PPP2R5E: variants seen among roughly 807,000 people sequenced by gnomAD.
The protein encoded by PPP2R5E is protein phosphatase 2 regulatory subunit B'epsilon, also known as serine/threonine-protein phosphatase 2A 56 kDa regulatory subunit epsilon isoform.
Under a neutral mutation model 65.3 loss-of-function variants are expected in PPP2R5E, and 4 were observed. The observed-to-expected ratio is 0.06, with a 90% CI of 0.03 to 0.14. PPP2R5E has a LOEUF of 0.14. Ranked by LOEUF, PPP2R5E falls within the 10% of genes least tolerant of loss-of-function variation. The pLI is 1.00. For missense variants in PPP2R5E, 274 were observed against 556.1 expected, an observed-to-expected ratio of 0.49 and a Z score of 5.10; for synonymous variants, 183 against 187.4, an observed-to-expected ratio of 0.98 and a Z score of 0.19.
chr14:63,389,897 AAG>A (rs1161481572), intron 10 of PPP2R5E, among the ~76,000 whole-genome samples, 166 bp from the exon 11 acceptor site: 1 of 152,194 alleles, frequency 6.6e-6, no homozygotes, highest in African/African-American at 2.4e-5. Context: ...TCGTTCCACA[AAG>A]AATTCACCAT....
intron 2 of PPP2R5E, among the ~76,000 whole-genome samples, chr14:63,534,711 C>T (rs1290194786): frequency 6.6e-6 from 1 of 152,200 alleles, no homozygotes; most frequent in African/African-American, 2.4e-5. Flanking sequence ...CCTCAGCCTC[C>T]TGGGCTCGGG....
chr14:63,463,171 C>T (rs992948784), intron 2 of PPP2R5E, among the ~76,000 whole-genome samples: 3 of 150,882 alleles, frequency 2.0e-5, no homozygotes, highest in African/African-American at 4.9e-5. Context: ...GGCAGAGTCT[C>T]GCCCTGTCAC....
At chr14:63,377,789 C>T (rs1326389141) in intron 13 of PPP2R5E, among the ~76,000 whole-genome samples, 1 of 152,038 alleles carries the variant, frequency 6.6e-6, no homozygotes, top group Non-Finnish European at 1.5e-5. Context: ...TAATTTTGAC[C>T]CTGAAAAAAT....
At chr14:63,466,858 C>G (rs1566724228) in intron 2 of PPP2R5E, among the ~76,000 whole-genome samples, 1 of 152,000 alleles carries the variant, frequency 6.6e-6, no homozygotes, top group African/African-American at 2.4e-5. Flanking sequence ...ACTTGGAGAA[C>G]AGTAATGCAG....
rs33926626 is a variant in PPP2R5E, at chr14:63,493,493, T to TGC, written c.158-39610_158-39609dup. Among the ~76,000 whole-genome samples the TGC allele has an allele frequency of 4.6e-4, 53 of 114,320 alleles. 1 individual carries two copies. The South Asian group carries it at 6.5e-3, about 14-fold the overall frequency. The allele number at this position is 114,320 out of a possible 152,430, so 75.0% of individuals were successfully genotyped here. On this transcript the variant is annotated intron_variant, in intron 2 of 13. Coordinates refer to ENST00000337537, the MANE Select transcript of PPP2R5E (RefSeq NM_006246.5). ...AAATTACCGCGCGCGCGTGTGTGTG[T>TGC]GCGTGTGTGTGGTGGGGGGAGGGGG... is the stretch of plus-strand genomic sequence containing the variant.
intron 2 of PPP2R5E, among the ~76,000 whole-genome samples, chr14:63,504,051 T>C (rs1194302700): frequency 1.3e-5 from 2 of 152,200 alleles, no homozygotes; most frequent in East Asian, 3.8e-4. Context: ...CTAGGGAATA[T>C]GAGAAGTTTT....
chr14:63,444,384 T>C (rs1888377939), intron 3 of PPP2R5E, among the ~76,000 whole-genome samples: 1 of 152,192 alleles, frequency 6.6e-6, no homozygotes, highest in Non-Finnish European at 1.5e-5. Context: ...TGTACAGACT[T>C]TACTACTATA....
At chr14:63,494,238 A>T (rs1021608608) in intron 2 of PPP2R5E, among the ~76,000 whole-genome samples, 5 of 151,950 alleles carry the variant, frequency 3.3e-5, no homozygotes, top group Non-Finnish European at 5.9e-5. Flanking sequence ...CCATTTATTT[A>T]TTTATTTATT....
At chr14:63,441,203 C>T (rs1002512296) in intron 3 of PPP2R5E, among the ~76,000 whole-genome samples, 2 of 146,946 alleles carry the variant, frequency 1.4e-5, no homozygotes, top group African/African-American at 5.1e-5. Context: ...TGCTGGCCAT[C>T]TTCTTTCATT....
chr14:63,468,627 C>T (rs1889958919), intron 2 of PPP2R5E, among the ~76,000 whole-genome samples: 1 of 152,186 alleles, frequency 6.6e-6, no homozygotes, highest in East Asian at 1.9e-4. Context: ...AAGGATACCA[C>T]TTGGGTCTCA....
chr14:63,415,719 G>C (rs1290476291), intron 4 of PPP2R5E, among the ~76,000 whole-genome samples: 1 of 152,096 alleles, frequency 6.6e-6, no homozygotes, highest in Non-Finnish European at 1.5e-5. Context: ...CTTAGTAGCT[G>C]TAAGTAGTCC....
At chr14:63,393,438 G>C (rs1474972865) in intron 8 of PPP2R5E, among the ~76,000 whole-genome samples, 1 of 152,152 alleles carries the variant, frequency 6.6e-6, no homozygotes, top group African/African-American at 2.4e-5. Flanking sequence ...TAGGCCCGGC[G>C]CCGTGGCTCA....
chr14:63,463,166 A>C (rs12897506), intron 2 of PPP2R5E, among the ~76,000 whole-genome samples: 1 of 145,412 alleles, frequency 6.9e-6, no homozygotes, highest in Non-Finnish European at 1.5e-5. Context: ...TTTTAGGCAG[A>C]GTCTCGCCCT....
intron 13 of PPP2R5E, among the ~76,000 whole-genome samples, chr14:63,380,203 C>A (rs1426878191): frequency 6.6e-6 from 1 of 152,028 alleles, no homozygotes; most frequent in South Asian, 2.1e-4. Context: ...TAATAATGTG[C>A]TTTCAGAGAA....
chr14:63,383,986 C>T (rs1328252020), intron 12 of PPP2R5E, among the ~76,000 whole-genome samples: 1 of 152,176 alleles, frequency 6.6e-6, no homozygotes, highest in African/African-American at 2.4e-5. Context: ...TAGCACCCTC[C>T]CCAAAAGACC....
chr14:63,386,960 C>CA (rs977059164), intron 11 of PPP2R5E, among the ~76,000 whole-genome samples: 1 of 148,422 alleles, frequency 6.7e-6, no homozygotes, highest in African/African-American at 2.5e-5. Flanking sequence ...GTAACATAGG[C>CA]AAGTGGCATT....
In PPP2R5E at chr14:63,522,487, C is replaced by T. The variant is rs74852300; in HGVS notation, c.157+17042G>A. Among the ~76,000 whole-genome samples, 1,129 of 151,136 alleles carry T rather than the reference C, an allele frequency of 7.5e-3. 37 individuals are homozygous for T. The highest frequency in any genetic ancestry group is 0.072 in the East Asian group (364 of 5,030). On this transcript the variant is annotated intron_variant, in intron 2 of 13. Transcript: ENST00000337537. ...CGTCTCTGCCCGGCCGCCATCCCAT[C>T]TAGGAAGTGAGAAACGCCTCTTCCC...
intron 5 of PPP2R5E, among the ~76,000 whole-genome samples, chr14:63,407,866 G>C (rs1886178125): frequency 6.6e-6 from 1 of 152,216 alleles, no homozygotes; most frequent in Admixed American, 6.5e-5. Flanking sequence ...CTTCCACCAT[G>C]TGAGGGCACA....
chr14:63,408,983 G>A (rs1316339384), intron 5 of PPP2R5E, among the ~76,000 whole-genome samples: 2 of 152,146 alleles, frequency 1.3e-5, no homozygotes, highest in African/African-American at 4.8e-5. Flanking sequence ...TGTAATTCCA[G>A]CACTTTGGGA....
Sources: allele counts gnomAD v4.1 joint callset (sites outside exome capture counted in the v4.1 genomes callset), GRCh38; gene constraint gnomAD v4.1.1; transcripts MANE v1.5; gene names NCBI Gene and HGNC (gene_info 2026-07-23, HGNC 2026-07-21).